TAPT1: variants seen among roughly 807,000 people sequenced by gnomAD.
TAPT1 encodes transmembrane anterior posterior transformation protein 1 homolog.
TAPT1 carries 28 observed loss-of-function variants against 65.6 expected under a neutral mutation model. The observed-to-expected ratio is 0.43, with a 90% confidence interval of 0.32 to 0.59. The LOEUF (loss-of-function observed/expected upper bound fraction) is 0.59, where lower values mean the gene tolerates loss of function less well. Among genes scored for constraint, TAPT1 ranks in the 20% least tolerant of loss-of-function variants. The probability of loss-of-function intolerance (pLI) is 0.09; values close to 1 mark genes in which losing one functional copy is unlikely to be tolerated. For synonymous variants in TAPT1, 278 were observed against 245.2 expected (o/e 1.13, Z -1.25); for missense variants, 563 against 679.9 (o/e 0.83, Z 1.91).
At chr4:16,225,130 TG>T (rs776120402) in intron 1 of TAPT1, among the ~76,000 whole-genome samples, 1 of 152,228 alleles carries the variant, frequency 6.6e-6, no homozygotes, top group Non-Finnish European at 1.5e-5. Context: ...AATTTTTAAG[TG>T]GTTAATTGAA....
intron 1 of TAPT1, chr4:16,215,950 C>G (rs1323500958): frequency 6.6e-6 from 1 of 152,120 alleles, no homozygotes; most frequent in African/African-American, 2.4e-5. Flanking sequence ...GTTTTCCAAT[C>G]AGGAAAAAAA....
chr4:16,168,455 C>G (rs1747782690), intron 12 of TAPT1, among the ~76,000 whole-genome samples: 2 of 152,208 alleles, frequency 1.3e-5, no homozygotes, highest in South Asian at 4.1e-4. Context: ...CCTCCTCCCC[C>G]ATGGCTGCTC....
At chr4:16,170,752 A>G (rs746017845) in intron 11 of TAPT1, 23 bp from the exon 12 acceptor site, 1 of 1,588,022 alleles carries the variant, frequency 6.3e-7, no homozygotes, top group Non-Finnish European at 8.6e-7. Context: ...AAACCAAAAC[A>G]ACAAAAACAC....
intron 9 of TAPT1, among the ~76,000 whole-genome samples, chr4:16,175,601 C>T (rs966869775): frequency 1.3e-5 from 2 of 152,074 alleles, no homozygotes; most frequent in Non-Finnish European, 2.9e-5. Context: ...AAATCTATAG[C>T]CACATATCTA....
chr4:16,166,933 T>C, intron 12 of TAPT1, 140 bp from the exon 13 acceptor site: 6 of 691,036 alleles, frequency 8.7e-6, no homozygotes, highest in Non-Finnish European at 4.5e-6. Context: ...CTTACACAAA[T>C]CTTGAGTTTT....
At chr4:16,207,758 G>T (rs1278440349) in intron 2 of TAPT1, among the ~76,000 whole-genome samples, 3 of 152,180 alleles carry the variant, frequency 2.0e-5, no homozygotes, top group Admixed American at 2.0e-4. Context: ...TCTATGCCTA[G>T]TAATAACAAT....
intron 6 of TAPT1, 66 bp from the exon 7 acceptor site, chr4:16,186,670 A>G (rs1309504233): frequency 1.4e-6 from 2 of 1,386,986 alleles, no homozygotes; most frequent in Non-Finnish European, 2.0e-6. Context: ...CTTGCTACTT[A>G]TAAAACTTCC....
intron 7 of TAPT1, among the ~76,000 whole-genome samples, chr4:16,180,578 C>CA: frequency 6.6e-6 from 1 of 152,300 alleles, no homozygotes; most frequent in South Asian, 2.1e-4. Context: ...CTCCTGTAAG[C>CA]GCTCTGAATT....
rs1432618816 is a variant in TAPT1 at position 16,179,548 on chromosome 4, AAGACACTGTTTTGT to A, written c.997+15_997+28del. Reference sequence around the variant, plus strand: ...GATTTTGGCTTAGAAGTAAAATTATAAGACACTGTTTTGTTAAGAGTGAGTTACCTGGATTCCAA... The same window carrying A: ...GATTTTGGCTTAGAAGTAAAATTATATAAGAGTGAGTTACCTGGATTCCAA... On this transcript the variant is annotated intron_variant, in intron 8 of 13. Transcript: ENST00000405303. 2 of 1,352,576 alleles carry A rather than the reference AAGACACTGTTTTGT, an allele frequency of 1.5e-6. No individual in the cohort carries two copies. The highest frequency in any genetic ancestry group is 2.0e-6 in the Non-Finnish European group (2 of 995,828). The allele number at this position is 1,352,576 out of a possible 1,614,324, so 83.8% of individuals were successfully genotyped here.
At chr4:16,195,814 T>C (rs551826962) in intron 3 of TAPT1, among the ~76,000 whole-genome samples, 1 of 152,298 alleles carries the variant, frequency 6.6e-6, no homozygotes, top group Admixed American at 6.5e-5. Flanking sequence ...GGGAAGATAA[T>C]ATGCTAACTA....
At chr4:16,171,411 T>C (rs1747980088) in intron 11 of TAPT1, among the ~76,000 whole-genome samples, 1 of 152,112 alleles carries the variant, frequency 6.6e-6, no homozygotes, top group Non-Finnish European at 1.5e-5. Context: ...ATAAATCTGG[T>C]GGAATCAGTT....
At position 16,162,858 on chromosome 4, in the gene TAPT1, G is replaced by A. The variant is rs1165313549; in HGVS notation, c.*450C>T. The A allele has an allele frequency of 2.8e-6, 1 of 353,922 alleles. No homozygotes were observed. The highest frequency in any genetic ancestry group is 5.8e-6 in the Non-Finnish European group (1 of 170,956). The allele number at this position is 353,922 out of a possible 1,614,324, so 21.9% of individuals were successfully genotyped here. ...TAATTTTTTTAATGCTTTGGCAGAT[G>A]AAGTAACGTTTGAAAACTGTTTGTG... On this transcript the variant is annotated 3_prime_UTR_variant, in exon 14 of 14. Coordinates refer to ENST00000405303, the MANE Select transcript of TAPT1 (RefSeq NM_153365.3).
chr4:16,226,017 G>T (rs573445732), intron 1 of TAPT1: 692 of 1,003,428 alleles, frequency 6.9e-4, no homozygotes, highest in Non-Finnish European at 7.9e-4. Context: ...CCCCTTCTAG[G>T]GCACACCTGG....
At chr4:16,221,372 C>T (rs1454151889) in intron 1 of TAPT1, among the ~76,000 whole-genome samples, 7 of 152,128 alleles carry the variant, frequency 4.6e-5, no homozygotes, top group African/African-American at 9.7e-5. Context: ...GCAATCCACC[C>T]GCCTCAGCCT....
intron 8 of TAPT1, among the ~76,000 whole-genome samples, chr4:16,179,238 C>T (rs1488298369): frequency 2.0e-5 from 3 of 152,186 alleles, no homozygotes; most frequent in Non-Finnish European, 4.4e-5. Context: ...TCCTAGGCTA[C>T]AAAACCTGTA....
chr4:16,167,547 C>T (rs1050334675), intron 12 of TAPT1, among the ~76,000 whole-genome samples: 4 of 152,076 alleles, frequency 2.6e-5, no homozygotes, highest in African/African-American at 9.7e-5. Flanking sequence ...TTTTACAAGG[C>T]AGTAGGCGAG....
intron 1 of TAPT1, among the ~76,000 whole-genome samples, chr4:16,223,178 C>T (rs140910936): frequency 8.4e-4 from 128 of 152,328 alleles, no homozygotes; most frequent in African/African-American, 2.9e-3. Context: ...AGCAATTCAA[C>T]AACCCAACCA....
At position 16,226,434 on chromosome 4, in the gene TAPT1, G is replaced by A; in HGVS notation, c.24C>T (p.Ala8=). ...CGCCACCGCCGCCTTCTCCCGGAGC[G>A]GCCGCGTCGCCGACGCCCGCCATGT... MAGVGDA[A]APGEGGGGGV... The change falls in exon 1 of 14, where the codon GCC becomes GCT. Residue 8 remains alanine, a synonymous_variant. Transcript: ENST00000405303. 1 of 1,076,242 alleles carries A rather than the reference G, an allele frequency of 9.3e-7. No individual in the cohort carries two copies. The highest frequency in any genetic ancestry group is 4.4e-5 in the South Asian group (1 of 22,978). The allele number at this position is 1,076,242 out of a possible 1,614,324, so 66.7% of individuals were successfully genotyped here. A position where few individuals can be genotyped will look rare whatever the true frequency, so the allele number is the denominator to read the frequency against.
At position 16,214,525 on chromosome 4, in the gene TAPT1, C is replaced by T. The variant is rs138298055; in HGVS notation, c.200-627G>A. 5.3e-5 allele frequency: 8 copies of T among 152,360 alleles called. No homozygotes were observed. The East Asian group carries it at 1.3e-3, about 26-fold the overall frequency. The allele number at this position is 152,360 out of a possible 1,614,324, so 9.4% of individuals were successfully genotyped here. Reference sequence around the variant, plus strand: ...CTTTCCATTCACCCGTGTTTTTCCTCTGTTCCTCTAAAGCAAATTACTCCA... The same window carrying T: ...CTTTCCATTCACCCGTGTTTTTCCTTTGTTCCTCTAAAGCAAATTACTCCA... On this transcript the variant is annotated intron_variant, in intron 1 of 13. Transcript: ENST00000405303.
Sources: gnomAD v4.1 joint callset for allele counts (sites outside exome capture counted in the v4.1 genomes callset) on GRCh38, gnomAD v4.1.1 for gene constraint, MANE v1.5 for transcripts, NCBI Gene and HGNC (gene_info 2026-07-23, HGNC 2026-07-21) for gene names.